Variants in EIF3L observed in about 807,000 individuals in gnomAD.
EIF3L encodes the protein eukaryotic translation initiation factor 3 subunit L.
Under a neutral mutation model 74.6 loss-of-function variants are expected in EIF3L, and 32 were observed. That is an observed-to-expected ratio of 0.43 (90% CI 0.32 to 0.58). The LOEUF (loss-of-function observed/expected upper bound fraction) is 0.58, where lower values mean the gene tolerates loss of function less well. Ranked by LOEUF, EIF3L falls within the 20% of genes least tolerant of loss-of-function variation. EIF3L has a pLI of 0.06. For missense variants in EIF3L, 474 were observed against 707.8 expected (o/e 0.67, Z 3.75); for synonymous variants, 256 against 254.4 (o/e 1.01, Z -0.06).
chr22:37,853,228 C>G (rs1165826503), intron 3 of EIF3L, among the ~76,000 whole-genome samples: 1 of 152,076 alleles, frequency 6.6e-6, no homozygotes, highest in African/African-American at 2.4e-5. Flanking sequence ...CTGTACGGGT[C>G]GACAGCATCC....
At chr22:37,858,843 C>A in intron 5 of EIF3L, 103 bp downstream of exon 5, 1 of 1,054,858 alleles carries the variant, frequency 9.5e-7, no homozygotes, top group Non-Finnish European at 1.4e-6. Flanking sequence ...GGTTCAGTGT[C>A]TGGGCATGAT....
rs34020382 is a variant in EIF3L at position 37,859,374 on chromosome 22, CTTTTTTTTTTT to C, written c.435+645_435+655del. Among the ~76,000 whole-genome samples, 7 of 79,146 alleles carry C rather than the reference CTTTTTTTTTTT, an allele frequency of 8.8e-5. 2 individuals are homozygous for C. Among genetic ancestry groups the C allele is most frequent in the East Asian group, 4.4e-4 (1 of 2,274 alleles). 51.9% of individuals were successfully genotyped at this position (79,146 alleles called of 152,430 possible). A position where few individuals can be genotyped will look rare whatever the true frequency, so the allele number is the denominator to read the frequency against. ...CTAAATTATAGAGTACGTGAAGTTT[CTTTTTTTTTTT>C]TTTTTTTTTTGAGAGAGAGTGAGTC... is the stretch of plus-strand genomic sequence containing the variant. On this transcript the variant is annotated intron_variant, in intron 5 of 12. Transcript: ENST00000652021.
rs1034914457 is a variant in EIF3L, at chr22:37,857,301, C to T, written c.374-1378C>T. On this transcript the variant is annotated intron_variant, in intron 4 of 12. Coordinates refer to ENST00000652021, the MANE Select transcript of EIF3L (RefSeq NM_016091.4). ...AGGAGAATGGCGTGAACCCGGGAGG[C>T]AGAACTTGCAGTGAGCTGAGATTGC... Among the ~76,000 whole-genome samples the T allele has an allele frequency of 7.7e-5, 10 of 129,458 alleles. No homozygotes were observed. In the Admixed American group the frequency reaches 9.6e-4, roughly 12 times the overall value. 84.9% of individuals were successfully genotyped at this position (129,458 alleles called of 152,430 possible).
At chr22:37,888,350 C>T in intron 12 of EIF3L, 76 bp from the exon 13 acceptor site, 1 of 1,508,744 alleles carries the variant, frequency 6.6e-7, no homozygotes, top group Non-Finnish European at 9.2e-7. Context: ...GGGAATCTGA[C>T]CTAGTGATCA....
chr22:37,857,385 A>AC (rs1382212564), intron 4 of EIF3L, among the ~76,000 whole-genome samples: 4 of 151,154 alleles, frequency 2.6e-5, no homozygotes, highest in South Asian at 2.1e-4. Context: ...AAAAAAAAAA[A>AC]AAAAAAACCA....
At chr22:37,855,743 A>G (rs1229738900) in intron 4 of EIF3L, 99 bp downstream of exon 4, 9 of 1,065,076 alleles carry the variant, frequency 8.5e-6, no homozygotes, top group African/African-American at 8.0e-5. Flanking sequence ...TTTGCTCACC[A>G]TTTTGTTTCC....
In EIF3L at chr22:37,849,995, CTG is replaced by C. The variant is rs760215067; in HGVS notation, c.34-16_34-15del. 8.7e-6 allele frequency: 14 copies of C among 1,613,742 alleles called. No individual in the cohort carries two copies. Among genetic ancestry groups the C allele is most frequent in the Middle Eastern group, 3.3e-4 (2 of 6,060 alleles). On this transcript the variant is annotated intron_variant, in intron 1 of 12. Transcript: ENST00000652021. ...TTCACGACTTGGCGGCTGTCCTTGA[CTG>C]TGTCTCTTTCCTTCTAGGCGGCTTA...
At chr22:37,851,077 G>A (rs1029784661) in intron 2 of EIF3L, among the ~76,000 whole-genome samples, 1 of 152,150 alleles carries the variant, frequency 6.6e-6, no homozygotes, top group Non-Finnish European at 1.5e-5. Flanking sequence ...GATAATAAGT[G>A]AAAAATAACT....
chr22:37,865,535 G>C (rs1411420223), intron 7 of EIF3L, among the ~76,000 whole-genome samples: 1 of 152,056 alleles, frequency 6.6e-6, no homozygotes, highest in Non-Finnish European at 1.5e-5. Flanking sequence ...GCTGTCTATA[G>C]CTCTAACTGA....
chr22:37,859,806 C>T (rs572071835), intron 5 of EIF3L, among the ~76,000 whole-genome samples: 2 of 152,136 alleles, frequency 1.3e-5, no homozygotes, highest in Non-Finnish European at 2.9e-5. Context: ...GAATTTGAGA[C>T]CAGCCTGGCC....
intron 7 of EIF3L, among the ~76,000 whole-genome samples, chr22:37,866,701 G>A (rs1024160649): frequency 4.6e-5 from 7 of 152,156 alleles, no homozygotes; most frequent in Middle Eastern, 3.4e-3. Flanking sequence ...CAGGAGAATC[G>A]CTTGAACCTG....
intron 4 of EIF3L, among the ~76,000 whole-genome samples, chr22:37,857,076 TC>T (rs1925555812): frequency 6.6e-6 from 1 of 151,244 alleles, no homozygotes; most frequent in African/African-American, 2.4e-5. Flanking sequence ...TATTAAGTCC[TC>T]CAGGCCAGGC....
At chr22:37,870,614 T>G (rs1279034130) in intron 8 of EIF3L, among the ~76,000 whole-genome samples, 1 of 152,208 alleles carries the variant, frequency 6.6e-6, no homozygotes, top group Non-Finnish European at 1.5e-5. Flanking sequence ...TGCTTTTGTT[T>G]AGATAAGCAC....
chr22:37,868,110 A>ATTTTTTTTTT (rs545183532), intron 7 of EIF3L, among the ~76,000 whole-genome samples: 32 of 92,668 alleles, frequency 3.5e-4, no homozygotes, highest in African/African-American at 1.4e-3. Context: ...TCTTTGTAGG[A>ATTTTTTTTTT]TTTTTTTTTT....
intron 11 of EIF3L, chr22:37,884,220 T>C (rs905201929): frequency 6.6e-6 from 1 of 152,218 alleles, no homozygotes; most frequent in Non-Finnish European, 1.5e-5. Context: ...ATCCATATTA[T>C]AGCATGTGTC....
At chr22:37,852,560 G>T (rs1228737819) in intron 3 of EIF3L, among the ~76,000 whole-genome samples, 1 of 152,056 alleles carries the variant, frequency 6.6e-6, no homozygotes, top group Non-Finnish European at 1.5e-5. Flanking sequence ...GAAGGATGAG[G>T]GAGAGAAAAC....
chr22:37,886,924 A>G (rs1394008197), intron 12 of EIF3L, 79 bp downstream of exon 12: 1 of 1,165,454 alleles, frequency 8.6e-7, no homozygotes, highest in Admixed American at 2.1e-5. Flanking sequence ...CTTTTTTTTA[A>G]TTTTTATTCC....
intron 11 of EIF3L, chr22:37,878,429 A>C (rs572360405): frequency 3.6e-5 from 11 of 303,494 alleles, no homozygotes; most frequent in African/African-American, 1.1e-4. Context: ...AAAAAAAAAA[A>C]AAAAAAACAC....
chr22:37,869,741 G>T (rs989253523), intron 7 of EIF3L, among the ~76,000 whole-genome samples: 1 of 152,116 alleles, frequency 6.6e-6, no homozygotes, highest in Non-Finnish European at 1.5e-5. Context: ...AGGCTCACAC[G>T]TGCAGATACC....
Sources: gnomAD v4.1 joint callset for allele counts (sites outside exome capture counted in the v4.1 genomes callset) on GRCh38, gnomAD v4.1.1 for gene constraint, MANE v1.5 for transcripts, NCBI Gene and HGNC (gene_info 2026-07-23, HGNC 2026-07-21) for gene names.